The following PIK3C3 variants were observed in gnomAD, a reference collection of about 807,000 sequenced individuals.
PIK3C3 encodes the protein phosphatidylinositol 3-kinase catalytic subunit type 3.
Under a neutral mutation model 126.1 loss-of-function variants are expected in PIK3C3, and 95 were observed. The ratio of observed to expected loss-of-function variants is 0.75; its 90% CI spans 0.64 to 0.89. PIK3C3 has a LOEUF of 0.89. Ranked by LOEUF, PIK3C3 falls within the 40% of genes least tolerant of loss-of-function variation. The pLI, the probability that PIK3C3 is intolerant of heterozygous loss-of-function variation, is 0.00. For synonymous variants in PIK3C3, 374 were observed against 360.0 expected (o/e 1.04, Z -0.44); for missense variants, 829 against 1,063.2 (o/e 0.78, Z 3.06).
intron 21 of PIK3C3, among the ~76,000 whole-genome samples, chr18:42,055,810 A>G (rs985130382): frequency 6.6e-6 from 1 of 152,114 alleles, no homozygotes; most frequent in African/African-American, 2.4e-5. Flanking sequence ...GGAAATTTAA[A>G]ATAAACTTTA....
chr18:42,076,273 A>C (rs1986031314), intron 24 of PIK3C3, among the ~76,000 whole-genome samples: 1 of 149,926 alleles, frequency 6.7e-6, no homozygotes, highest in Admixed American at 6.7e-5. Context: ...ACATATATCA[A>C]AGTCTTAATT....
chr18:42,080,578 T>C (rs1986212783), intron 24 of PIK3C3, among the ~76,000 whole-genome samples: 1 of 152,222 alleles, frequency 6.6e-6, no homozygotes, highest in Non-Finnish European at 1.5e-5. Flanking sequence ...TCTTCGTTGA[T>C]TTTATTCCTA....
Position 42,084,266 on chromosome 18 carries a change from G to T in PIK3C3, c.*3129G>T, listed in dbSNP as rs187932577. On this transcript the variant is annotated 3_prime_UTR_variant, in exon 25 of 25. Coordinates refer to ENST00000262039, the MANE Select transcript of PIK3C3 (RefSeq NM_002647.4). ...AGATTGAGATTCTAAGGAGCATTTT[G>T]TAAGTAATTACTAATGTTTATTTTA... is the stretch of plus-strand genomic sequence containing the variant. 5.0e-4 allele frequency: 76 copies of T among 152,240 alleles called. No homozygotes were observed. Among genetic ancestry groups the T allele is most frequent in the African/African-American group, 1.7e-3 (70 of 41,536 alleles). The allele number at this position is 152,240 out of a possible 1,614,324, so 9.4% of individuals were successfully genotyped here. A position where few individuals can be genotyped will look rare whatever the true frequency, so the allele number is the denominator to read the frequency against.
Position 42,057,921 on chromosome 18 carries a change from C to T in PIK3C3, c.2302C>T (p.Arg768Trp), listed in dbSNP as rs200000040. 192 of 1,613,424 alleles carry T rather than the reference C, an allele frequency of 1.2e-4. 1 individual carries two copies. Among genetic ancestry groups the T allele is most frequent in the Admixed American group, 4.3e-4 (26 of 59,926 alleles). The change falls in exon 22 of 25, where the codon CGG becomes TGG. Residue 768 changes from arginine (R) to tryptophan (W), a missense_variant. Around this residue, in one of 4 missense-constraint regions of PIK3C3, gnomAD observed 196 missense variants for 312.8 expected, o/e 0.63. Coordinates refer to ENST00000262039, the MANE Select transcript of PIK3C3 (RefSeq NM_002647.4). ...CATAGACTTTGGATATATTTTGGGT[C>T]GGGATCCAAAGCCTCTTCCTCCACC... Reference protein sequence around the residue: ...FHIDFGYILGRDPKPLPPPMK... With the variant: ...FHIDFGYILGWDPKPLPPPMK...
At position 42,045,789 on chromosome 18, in the gene PIK3C3, TGA is replaced by T. The variant is rs554851343; in HGVS notation, c.2188+1974_2188+1975del. Among the ~76,000 whole-genome samples the T allele has an allele frequency of 9.3e-4, 141 of 152,320 alleles. 1 individual carries two copies. The highest frequency in any genetic ancestry group is 3.3e-3 in the African/African-American group (136 of 41,570). ...CCATTTCCATTAGTACGTTATTACA[TGA>T]GGTGTTTTATATACCCCCAAATAAT... is the stretch of plus-strand genomic sequence containing the variant. On this transcript the variant is annotated intron_variant, in intron 20 of 24. Coordinates refer to ENST00000262039, the MANE Select transcript of PIK3C3 (RefSeq NM_002647.4).
intron 20 of PIK3C3, 147 bp from the exon 21 acceptor site, chr18:42,049,384 G>A: frequency 2.0e-6 from 1 of 496,368 alleles, no homozygotes; most frequent in Non-Finnish European, 3.6e-6. Flanking sequence ...CAGACATGAA[G>A]ATTGCATATT....
intron 4 of PIK3C3, chr18:41,984,814 C>G (rs1469336418): frequency 6.6e-6 from 1 of 152,130 alleles, no homozygotes; most frequent in South Asian, 2.1e-4. Context: ...ATGAAATATG[C>G]CTTCTGATAG....
intron 3 of PIK3C3, among the ~76,000 whole-genome samples, chr18:41,964,148 T>A (rs949467785): frequency 2.0e-5 from 3 of 152,108 alleles, no homozygotes; most frequent in African/African-American, 7.2e-5. Flanking sequence ...GAAAGAGTGG[T>A]ATAGTGAGAA....
At chr18:41,961,134 G>GT (rs1980063050) in intron 2 of PIK3C3, among the ~76,000 whole-genome samples, 1 of 152,208 alleles carries the variant, frequency 6.6e-6, no homozygotes, top group African/African-American at 2.4e-5. Flanking sequence ...CAAATGATTA[G>GT]TTGGTCATTG....
chr18:42,049,449 G>C, intron 20 of PIK3C3, 82 bp from the exon 21 acceptor site: 1 of 940,806 alleles, frequency 1.1e-6, no homozygotes, highest in Non-Finnish European at 1.6e-6. Flanking sequence ...TATTAAAGTT[G>C]CACAAACTGC....
chr18:42,081,704 G>A lies in PIK3C3; in HGVS notation c.*567G>A, dbSNP rs1986257251. The A allele has an allele frequency of 1.3e-5, 2 of 152,118 alleles. No individual in the cohort carries two copies. The highest frequency in any genetic ancestry group is 6.6e-5 in the Admixed American group (1 of 15,256). 9.4% of individuals were successfully genotyped at this position (152,118 alleles called of 1,614,324 possible). ...CTCATTCTTCTGCAGTTCAAGAATTGCTTATATTTTTAGAAGATACTCATT... is the reference window on the plus strand; with the variant it reads ...CTCATTCTTCTGCAGTTCAAGAATTACTTATATTTTTAGAAGATACTCATT... On this transcript the variant is annotated 3_prime_UTR_variant, in exon 25 of 25. Transcript: ENST00000262039.
intron 4 of PIK3C3, among the ~76,000 whole-genome samples, chr18:41,975,442 A>G (rs1324873244): frequency 2.0e-5 from 3 of 152,166 alleles, no homozygotes; most frequent in African/African-American, 4.8e-5. Flanking sequence ...GACAGTGCAC[A>G]TGTCGAACGT....
chr18:41,980,785 C>T (rs2144332507), intron 4 of PIK3C3, among the ~76,000 whole-genome samples: 1 of 152,176 alleles, frequency 6.6e-6, no homozygotes, highest in Admixed American at 6.5e-5. Flanking sequence ...CAAAAGAAAA[C>T]TTCCGTCTTT....
chr18:42,019,059 C>T (rs945160831), intron 12 of PIK3C3, among the ~76,000 whole-genome samples: 5 of 152,068 alleles, frequency 3.3e-5, no homozygotes, highest in African/African-American at 1.2e-4. Context: ...AATTCTGCCT[C>T]ATACTTAATG....
intron 6 of PIK3C3, 88 bp from the exon 7 acceptor site, chr18:41,993,182 G>T: frequency 1.5e-6 from 1 of 667,836 alleles, no homozygotes; most frequent in South Asian, 2.1e-5. Flanking sequence ...TCATCAAATA[G>T]AATTAAAATA....
chr18:42,013,440 A>T lies in PIK3C3; in HGVS notation c.1171-2A>T. 6.8e-7 allele frequency: 1 copy of T among 1,479,978 alleles called. No homozygotes were observed. The highest frequency in any genetic ancestry group is 2.7e-5 in the Admixed American group (1 of 36,832). The allele number at this position is 1,479,978 out of a possible 1,614,324, so 91.7% of individuals were successfully genotyped here. ...ATTACTTTACTTTTTTTTGTTTTCC[A>T]GGATTTGTTGATGTACCTATTACAA... On this transcript the variant is annotated splice_acceptor_variant, in intron 10 of 24. Coordinates refer to ENST00000262039, the MANE Select transcript of PIK3C3 (RefSeq NM_002647.4). LOFTEE classifies it high-confidence loss of function.
intron 20 of PIK3C3, among the ~76,000 whole-genome samples, chr18:42,048,226 C>T (rs1320796129): frequency 6.6e-6 from 1 of 152,160 alleles, no homozygotes; most frequent in Non-Finnish European, 1.5e-5. Context: ...TAAGAAATTG[C>T]TGTTGTTCTA....
chr18:42,018,217 C>A (rs1003631204), intron 12 of PIK3C3, among the ~76,000 whole-genome samples: 1 of 151,794 alleles, frequency 6.6e-6, no homozygotes, highest in African/African-American at 2.4e-5. Flanking sequence ...GCACTTTTTT[C>A]TTTAAATTGT....
intron 10 of PIK3C3, 80 bp downstream of exon 10, chr18:42,004,621 G>A: frequency 9.4e-7 from 1 of 1,065,950 alleles, no homozygotes; most frequent in Non-Finnish European, 1.3e-6. Flanking sequence ...GTATGTGTGT[G>A]TGAGAGTGAG....
Sources: gnomAD v4.1 joint callset for allele counts (sites outside exome capture counted in the v4.1 genomes callset) on GRCh38, gnomAD v4.1.1 for gene constraint, gnomAD v4.1.1 regional missense constraint, MANE v1.5 for transcripts, NCBI Gene and HGNC (gene_info 2026-07-23, HGNC 2026-07-21) for gene names.